The following DMD variants were observed in gnomAD, a reference collection of about 807,000 sequenced individuals.
The protein encoded by DMD is mutant dystrophin.
In DMD, 63 loss-of-function variants were observed where a neutral mutation model predicts 330.1. That is an observed-to-expected ratio of 0.19 (90% CI 0.16 to 0.24). The LOEUF (loss-of-function observed/expected upper bound fraction) is 0.24. Among genes scored for constraint, DMD ranks in the 10% least tolerant of loss-of-function variants. DMD has a pLI of 1.00. For missense variants in DMD, 3,344 were observed against 2,684.1 expected (o/e 1.25, Z -5.43); for synonymous variants, 1,223 against 959.8 (o/e 1.27, Z -5.07).
At chrX:32,324,158 A>T (rs1248953697) in intron 41 of DMD, among the ~76,000 whole-genome samples, 1 of 111,596 alleles carries the variant, frequency 9.0e-6, no homozygotes, top group Non-Finnish European at 1.9e-5. Context: ...ACTATTTCCA[A>T]CACATATAAA....
intron 45 of DMD, among the ~76,000 whole-genome samples, chrX:31,949,674 T>A (rs755498392): frequency 9.0e-6 from 1 of 111,500 alleles, no homozygotes; most frequent in South Asian, 3.7e-4. Context: ...AAATTTTAAA[T>A]TACTAATTCA....
chrX:32,938,264 C>T (rs1448638300), intron 2 of DMD, among the ~76,000 whole-genome samples: 4 of 111,260 alleles, frequency 3.6e-5, no homozygotes, highest in Admixed American at 9.6e-5. Context: ...TCGAATTTAT[C>T]GGGTTTGGGG....
intron 7 of DMD, among the ~76,000 whole-genome samples, chrX:32,759,962 GAT>G (rs2072049804): frequency 9.0e-6 from 1 of 110,725 alleles, no homozygotes; most frequent in South Asian, 3.8e-4. Flanking sequence ...TGTAAAATAA[GAT>G]AGAGGATAAA....
At chrX:31,903,432 G>C (rs776293134) in intron 47 of DMD, among the ~76,000 whole-genome samples, 1 of 111,545 alleles carries the variant, frequency 9.0e-6, no homozygotes, top group Non-Finnish European at 1.9e-5. Context: ...ATTCTTATCA[G>C]TCTCTTATTG....
intron 60 of DMD, among the ~76,000 whole-genome samples, chrX:31,377,226 G>C (rs1352016730): frequency 8.9e-6 from 1 of 111,752 alleles, no homozygotes; most frequent in Non-Finnish European, 1.9e-5. Context: ...TCTTTGCCAA[G>C]AGGGTTTACA....
chrX:31,646,137 T>C (rs993488716), intron 54 of DMD, among the ~76,000 whole-genome samples: 1 of 111,604 alleles, frequency 9.0e-6, no homozygotes, highest in Non-Finnish European at 1.9e-5. Context: ...AATATTCCTC[T>C]CTCTATTAAG....
At chrX:32,902,445 A>C (rs1005901398) in intron 2 of DMD, among the ~76,000 whole-genome samples, 9 of 111,146 alleles carry the variant, frequency 8.1e-5, no homozygotes, top group Non-Finnish European at 1.7e-4. Flanking sequence ...GATACTGATA[A>C]TTCAAAATAA....
intron 6 of DMD, among the ~76,000 whole-genome samples, chrX:32,815,520 T>TATATATACATACACAC: frequency 2.5e-5 from 2 of 78,959 alleles, no homozygotes; most frequent in Non-Finnish European, 4.6e-5. Context: ...TATATATATA[T>TATATATACATACACAC]ACACACACAC....
chrX:31,626,067 C>T (rs901530933), intron 55 of DMD, among the ~76,000 whole-genome samples: 4 of 111,082 alleles, frequency 3.6e-5, no homozygotes, highest in Non-Finnish European at 5.7e-5. Flanking sequence ...TCACTGCAAC[C>T]TCTGCCTCCT....
At chrX:31,743,635 C>G (rs955146797) in intron 51 of DMD, among the ~76,000 whole-genome samples, 1 of 111,426 alleles carries the variant, frequency 9.0e-6, no homozygotes, top group Non-Finnish European at 1.9e-5. Flanking sequence ...TGGAGCTAAA[C>G]AGTGCGTTGT....
At chrX:32,227,342 A>C (rs1462023593) in intron 43 of DMD, among the ~76,000 whole-genome samples, 5 of 93,473 alleles carry the variant, frequency 5.3e-5, no homozygotes, top group African/African-American at 7.7e-5. Context: ...GTATGGAATA[A>C]ACAATTTCAT....
chrX:31,363,436 A>G (rs1239215727), intron 60 of DMD, among the ~76,000 whole-genome samples: 1 of 87,162 alleles, frequency 1.1e-5, no homozygotes, highest in African/African-American at 4.6e-5. Flanking sequence ...GCTGGAGTGC[A>G]GTGGCGCCAT....
At chrX:32,778,715 A>G (rs916562306) in intron 7 of DMD, among the ~76,000 whole-genome samples, 3 of 111,477 alleles carry the variant, frequency 2.7e-5, no homozygotes, top group African/African-American at 9.8e-5. Flanking sequence ...AACAGTAGGT[A>G]TAGTCTTTCT....
At chrX:32,838,917 G>A (rs141404627) in intron 4 of DMD, among the ~76,000 whole-genome samples, 2,044 of 111,884 alleles carry the variant, frequency 0.018, 44 homozygotes, top group African/African-American at 0.062. Context: ...CAGCAATCCT[G>A]TTACTGGGTA....
chrX:32,995,417 A>T (rs771766111), intron 2 of DMD, among the ~76,000 whole-genome samples: 1 of 112,238 alleles, frequency 8.9e-6, no homozygotes, highest in Non-Finnish European at 1.9e-5. Flanking sequence ...TTTTTCTCAT[A>T]TGAATTTCTC....
At chrX:31,610,285 C>T (rs1361608710) in intron 55 of DMD, among the ~76,000 whole-genome samples, 1 of 111,914 alleles carries the variant, frequency 8.9e-6, no homozygotes, top group Non-Finnish European at 1.9e-5. Flanking sequence ...ATAAAATAAT[C>T]TTCTTTGCTA....
At chrX:32,814,871 G>A (rs762664047) in intron 6 of DMD, among the ~76,000 whole-genome samples, 2 of 111,597 alleles carry the variant, frequency 1.8e-5, no homozygotes, top group South Asian at 3.7e-4. Context: ...CACATAACCT[G>A]ATCCTTGATA....
intron 63 of DMD, among the ~76,000 whole-genome samples, chrX:31,246,332 C>A (rs746280905): frequency 1.8e-5 from 2 of 112,548 alleles, no homozygotes; most frequent in South Asian, 3.7e-4. Context: ...ATATCCATAA[C>A]ATTAAGGTGC....
intron 20 of DMD, among the ~76,000 whole-genome samples, chrX:32,485,826 C>T (rs183105790): frequency 1.0e-5 from 1 of 97,800 alleles, no homozygotes; most frequent in Admixed American, 1.2e-4. Flanking sequence ...CAAATGCAAC[C>T]TTCACATTCC....
Sources: allele counts gnomAD v4.1 joint callset (sites outside exome capture counted in the v4.1 genomes callset), GRCh38; gene constraint gnomAD v4.1.1; transcripts MANE v1.5; gene names NCBI Gene and HGNC (gene_info 2026-07-23, HGNC 2026-07-21).